Variants in TRIM5 observed in about 807,000 individuals in gnomAD.
TRIM5 encodes tripartite motif containing 5.
A neutral mutation model predicts 35.6 loss-of-function variants in TRIM5; 31 were observed. That is an observed-to-expected ratio of 0.87 (90% CI 0.65 to 1.18). The LOEUF is 1.18. Among genes scored for constraint, TRIM5 ranks in the 50% most tolerant of loss-of-function variants. The pLI is 0.00. For synonymous variants in TRIM5, 243 were observed against 215.6 expected (o/e 1.13, Z -1.11); for missense variants, 609 against 591.6 (o/e 1.03, Z -0.31).
the TRIM5 span, chr11:5,589,806 T>C: frequency 1.3e-5 from 2 of 155,042 alleles, no homozygotes; most frequent in African/African-American, 4.8e-5. Context: ...AGCCCACCGC[T>C]GCACTGTGGG....
downstream of TRIM5, among the ~76,000 whole-genome samples, chr11:5,662,492 T>C (rs61245339): frequency 0.037 from 5,648 of 152,310 alleles, 300 homozygotes; most frequent in African/African-American, 0.13. Flanking sequence ...CACTTATCGA[T>C]ACCATTGTTG....
the TRIM5 span, among the ~76,000 whole-genome samples, chr11:5,618,285 G>A: frequency 1.6e-4 from 25 of 152,164 alleles, no homozygotes; most frequent in African/African-American, 4.6e-4. Flanking sequence ...CAGGGGAATC[G>A]CTTGAACCCA....
chr11:5,679,022 CT>C (rs1218077073), intron 3 of TRIM5, 51 bp downstream of exon 3: 14 of 1,483,434 alleles, frequency 9.4e-6, no homozygotes, highest in Non-Finnish European at 1.9e-6. Flanking sequence ...GCTCCTTCCC[CT>C]GGTCCTGCCC....
the TRIM5 span, chr11:5,633,976 A>G: frequency 1.4e-6 from 2 of 1,468,292 alleles, no homozygotes; most frequent in Non-Finnish European, 1.9e-6. Context: ...CGTCCTTTTT[A>G]TTCCTTGACA....
the TRIM5 span, among the ~76,000 whole-genome samples, chr11:5,645,209 T>C: frequency 6.6e-5 from 10 of 151,892 alleles, no homozygotes; most frequent in East Asian, 5.8e-4. Flanking sequence ...CTGGCCAAAA[T>C]TGCAAAACCC....
Position 5,679,030 on chromosome 11 carries a change from G to A in TRIM5, c.513+44C>T, listed in dbSNP as rs1455147375. On this transcript the variant is annotated intron_variant, in intron 3 of 7. Coordinates refer to ENST00000380034, the MANE Select transcript of TRIM5 (RefSeq NM_033034.3). Reference sequence around the variant, plus strand: ...GAAGAAAGCTCCTTCCCCTGGTCCTGCCCAGATTTCTAGCTAACTCCTTCG... The same window carrying A: ...GAAGAAAGCTCCTTCCCCTGGTCCTACCCAGATTTCTAGCTAACTCCTTCG... 7 of 1,534,194 alleles carry A rather than the reference G, an allele frequency of 4.6e-6. No homozygotes were observed. The East Asian group carries it at 1.6e-4, about 35-fold the overall frequency.
chr11:5,684,796 C>G (rs529966360), intron 1 of TRIM5, 72 bp downstream of exon 1: 1 of 152,472 alleles, frequency 6.6e-6, no homozygotes, highest in South Asian at 2.1e-4. Flanking sequence ...TCAGTCAGCT[C>G]TGGCAGCAAG....
downstream of TRIM5, among the ~76,000 whole-genome samples, chr11:5,659,753 C>CTT (rs755017850): frequency 2.8e-5 from 4 of 141,238 alleles, no homozygotes; most frequent in Admixed American, 7.1e-5. Flanking sequence ...TCTCTGAAGC[C>CTT]TTTTTTTTTT....
the TRIM5 span, chr11:5,612,943 A>T: frequency 2.0e-5 from 3 of 152,214 alleles, no homozygotes; most frequent in Non-Finnish European, 4.4e-5. Context: ...AAAGTATGTT[A>T]TTCATTTTAC....
chr11:5,679,269 A>G lies in TRIM5; in HGVS notation c.418-100T>C, dbSNP rs1310554413. On this transcript the variant is annotated intron_variant, in intron 2 of 7. Coordinates refer to ENST00000380034, the MANE Select transcript of TRIM5 (RefSeq NM_033034.3). ...AATCAGGTTGATCTCAGAAGAAACA[A>G]ATTTGCAGAAACTGTGAGAATGGCA... The G allele has an allele frequency of 9.6e-6, 10 of 1,041,656 alleles. No individual in the cohort carries two copies. The East Asian group carries it at 1.7e-4, about 18-fold the overall frequency. The allele number at this position is 1,041,656 out of a possible 1,614,324, so 64.5% of individuals were successfully genotyped here. A position where few individuals can be genotyped will look rare whatever the true frequency, so the allele number is the denominator to read the frequency against.
At chr11:5,621,832 C>A in the TRIM5 span, among the ~76,000 whole-genome samples, 1 of 152,052 alleles carries the variant, frequency 6.6e-6, no homozygotes, top group East Asian at 1.9e-4. Flanking sequence ...CCTGGAAGCC[C>A]CCTCCCTGCT....
rs949734111 is a variant in TRIM5 at position 5,664,677 on chromosome 11, T to C, written c.*132A>G. Reference sequence around the variant, plus strand: ...GCAATTATTACATTTTACTGATGAGTGAAGGACGTTCAAATAGAAAGAAGG... The same window carrying C: ...GCAATTATTACATTTTACTGATGAGCGAAGGACGTTCAAATAGAAAGAAGG... On this transcript the variant is annotated 3_prime_UTR_variant, in exon 8 of 8. Transcript: ENST00000380034. 66 of 1,451,676 alleles carry C rather than the reference T, an allele frequency of 4.5e-5. No individual in the cohort carries two copies. The highest frequency in any genetic ancestry group is 3.9e-5 in the Non-Finnish European group (43 of 1,107,452). 89.9% of individuals were successfully genotyped at this position (1,451,676 alleles called of 1,614,324 possible). A position where few individuals can be genotyped will look rare whatever the true frequency, so the allele number is the denominator to read the frequency against.
chr11:5,664,994 T>A lies in TRIM5; in HGVS notation c.1297A>T (p.Ile433Phe). ...VPFIVPLSVI[I>F]CPDRVGVFLD... ...AAAACTCCAACACGATCAGGACAAA[T>A]AATCACAGAGAGGGGCACAATGAAA... Residue 433 changes from isoleucine (I) to phenylalanine (F), a missense_variant, in exon 8 of 8, where the codon ATT becomes TTT. Transcript: ENST00000380034. 1 of 1,613,970 alleles carries A rather than the reference T, an allele frequency of 6.2e-7. No individual in the cohort carries two copies. Among genetic ancestry groups the A allele is most frequent in the Non-Finnish European group, 8.5e-7 (1 of 1,180,016 alleles).
the TRIM5 span, among the ~76,000 whole-genome samples, chr11:5,622,174 G>A: frequency 4.6e-5 from 7 of 152,218 alleles, no homozygotes; most frequent in South Asian, 2.1e-4. Flanking sequence ...AGCTGGGCGC[G>A]GTGGCTCACA....
At chr11:5,644,150 A>C in the TRIM5 span, 24 of 400,118 alleles carry the variant, frequency 6.0e-5, 1 homozygote, top group East Asian at 8.5e-4. Context: ...AATCAAGGAG[A>C]GGAAAATATG....
chr11:5,650,008 C>A, the TRIM5 span, among the ~76,000 whole-genome samples: 1 of 152,122 alleles, frequency 6.6e-6, no homozygotes, highest in Non-Finnish European at 1.5e-5. Context: ...AAACATGGGC[C>A]CTTTGCTACA....
the TRIM5 span, chr11:5,643,441 T>TAGGGTTAC: frequency 1.9e-6 from 3 of 1,614,214 alleles, no homozygotes; most frequent in Non-Finnish European, 2.5e-6. Context: ...TACTGGGTTA[T>TAGGGTTAC]AGGGTTACAG....
At chr11:5,602,151 G>A in the TRIM5 span, among the ~76,000 whole-genome samples, 1 of 152,186 alleles carries the variant, frequency 6.6e-6, no homozygotes, top group Admixed American at 6.5e-5. Context: ...GGTGTAAGAA[G>A]TAAAATAGAC....
chr11:5,678,179 G>T (rs746826034), intron 4 of TRIM5, 25 bp downstream of exon 4: 16 of 1,579,464 alleles, frequency 1.0e-5, no homozygotes, highest in Non-Finnish European at 1.1e-5. Context: ...TAATCTCAGT[G>T]CTCAGGCTTC....
Sources: gnomAD v4.1 joint callset for allele counts (sites outside exome capture counted in the v4.1 genomes callset) on GRCh38, gnomAD v4.1.1 for gene constraint, MANE v1.5 for transcripts, NCBI Gene and HGNC (gene_info 2026-07-23, HGNC 2026-07-21) for gene names.